Variants in CDH1 observed in about 807,000 individuals in gnomAD.
CDH1 encodes cadherin-1.
In CDH1, 35 loss-of-function variants were observed where a neutral mutation model predicts 84.5. The ratio of observed to expected loss-of-function variants is 0.41; its 90% CI spans 0.32 to 0.55. CDH1 has a LOEUF of 0.55. Among genes scored for constraint, CDH1 ranks in the 20% least tolerant of loss-of-function variants. CDH1 has a pLI of 0.19. For missense variants in CDH1, 994 were observed against 1,126.6 expected (o/e 0.88, Z 1.68); for synonymous variants, 417 against 439.0 (o/e 0.95, Z 0.63).
chr16:68,749,937 G>T (rs1962845495), intron 2 of CDH1, among the ~76,000 whole-genome samples: 1 of 151,756 alleles, frequency 6.6e-6, no homozygotes, highest in Non-Finnish European at 1.5e-5. Context: ...AGCTGTCATT[G>T]TACCTTTTTC....
At chr16:68,779,308 A>G (rs1203061794) in intron 2 of CDH1, among the ~76,000 whole-genome samples, 1 of 152,210 alleles carries the variant, frequency 6.6e-6, no homozygotes, top group South Asian at 2.1e-4. Flanking sequence ...CCCTGCACAG[A>G]GGGGCAAAGA....
Position 68,810,350 on chromosome 16 carries a change from A to C in CDH1, c.832+9A>C. 3 of 1,613,162 alleles carry C rather than the reference A, an allele frequency of 1.9e-6. No homozygotes were observed. The highest frequency in any genetic ancestry group is 2.5e-6 in the Non-Finnish European group (3 of 1,179,150). ...GGAAGGTGCTCTTCCAGGTATATCC[A>C]CTAATGAGAATCTGAATACTCAGAA... On this transcript the variant is annotated intron_variant, in intron 6 of 15. Coordinates refer to ENST00000261769, the MANE Select transcript of CDH1 (RefSeq NM_004360.5).
At position 68,826,988 on chromosome 16, in the gene CDH1, C is replaced by T. The variant is rs185246235; in HGVS notation, c.2165-1186C>T. ...AACCTCCTGTTTAAAGATTATGCTT[C>T]GGCCGGGCGTGGTGGCTCACGCCTG... On this transcript the variant is annotated intron_variant, in intron 13 of 15. Transcript: ENST00000261769. 3.5e-3 allele frequency among the ~76,000 whole-genome samples: 538 copies of T among 152,128 alleles called. 2 individuals carry two copies. The highest frequency in any genetic ancestry group is 5.4e-3 in the Non-Finnish European group (367 of 67,988).
Position 68,804,824 on chromosome 16 carries a change from C to CTTTTTTTTTTT in CDH1, c.387+2944_387+2954dup, listed in dbSNP as rs5817653. On this transcript the variant is annotated intron_variant, in intron 3 of 15. Coordinates refer to ENST00000261769, the MANE Select transcript of CDH1 (RefSeq NM_004360.5). ...AAACAACATATCCAGGTAACAAAAT[C>CTTTTTTTTTTT]TTTTTTTTTTTTTTTTTTTTTTTGG... Among the ~76,000 whole-genome samples, 15 of 69,678 alleles carry CTTTTTTTTTTT rather than the reference C, an allele frequency of 2.2e-4. 1 individual carries two copies. The highest frequency in any genetic ancestry group is 1.0e-3 in the African/African-American group (15 of 14,994). The allele number at this position is 69,678 out of a possible 152,430, so 45.7% of individuals were successfully genotyped here. A position where few individuals can be genotyped will look rare whatever the true frequency, so the allele number is the denominator to read the frequency against.
chr16:68,819,873 T>C (rs951421806), intron 11 of CDH1, among the ~76,000 whole-genome samples: 18 of 152,300 alleles, frequency 1.2e-4, no homozygotes, highest in African/African-American at 4.3e-4. Flanking sequence ...AGATTTCTCT[T>C]TTATTCTTAA....
intron 2 of CDH1, among the ~76,000 whole-genome samples, chr16:68,778,624 A>G (rs1959795106): frequency 6.6e-6 from 1 of 152,128 alleles, no homozygotes; most frequent in South Asian, 2.1e-4. Flanking sequence ...GACACCTGAG[A>G]TAAGCTGAAT....
At chr16:68,832,099 C>A (rs1366095554) in intron 15 of CDH1, among the ~76,000 whole-genome samples, 2 of 151,908 alleles carry the variant, frequency 1.3e-5, no homozygotes, top group Non-Finnish European at 2.9e-5. Context: ...CTCATGGACA[C>A]AAAGAAGAGA....
intron 12 of CDH1, chr16:68,822,579 C>G (rs2152138823): frequency 4.1e-6 from 2 of 492,502 alleles, no homozygotes; most frequent in East Asian, 9.7e-5. Context: ...TCTTGCCAAC[C>G]AATCGTGAGC....
chr16:68,828,704 T>C (rs1455568059), intron 14 of CDH1, among the ~76,000 whole-genome samples: 1 of 152,208 alleles, frequency 6.6e-6, no homozygotes, highest in East Asian at 1.9e-4. Flanking sequence ...TTTGAGTTTT[T>C]AGCTAGACCA....
chr16:68,738,395 C>T lies in CDH1; in HGVS notation c.147C>T (p.Gly49=), dbSNP rs1057521592. 5 of 1,549,656 alleles carry T rather than the reference C, an allele frequency of 3.2e-6. No homozygotes were observed. The African/African-American group carries it at 6.8e-5, about 21-fold the overall frequency. ...FTVPRRHLER[G]RVLGRVNFED... ...TGCCCCGGCGCCACCTGGAGAGAGGCCGCGTCCTGGGCAGAGGTGAGGGCG... is the reference window on the plus strand; with the variant it reads ...TGCCCCGGCGCCACCTGGAGAGAGGTCGCGTCCTGGGCAGAGGTGAGGGCG... Residue 49 remains glycine (G), a synonymous_variant, in exon 2 of 16, where the codon GGC becomes GGT. Coordinates refer to ENST00000261769, the MANE Select transcript of CDH1 (RefSeq NM_004360.5).
At chr16:68,827,987 G>T (rs1961364711) in intron 13 of CDH1, among the ~76,000 whole-genome samples, 187 bp from the exon 14 acceptor site, 1 of 152,158 alleles carries the variant, frequency 6.6e-6, no homozygotes, top group African/African-American at 2.4e-5. Flanking sequence ...CTACTATGTT[G>T]TACTGTACAT....
intron 2 of CDH1, among the ~76,000 whole-genome samples, chr16:68,768,062 C>T (rs752232537): frequency 6.6e-6 from 1 of 151,984 alleles, no homozygotes; most frequent in Non-Finnish European, 1.5e-5. Context: ...TTCAAGTGCC[C>T]CAGACTCCCA....
rs34344473 is a variant in CDH1, at chr16:68,801,416, G to A, written c.164-254G>A. 3.3e-3 allele frequency among the ~76,000 whole-genome samples: 507 copies of A among 152,178 alleles called. 3 individuals are homozygous for A. Among genetic ancestry groups the A allele is most frequent in the African/African-American group, 0.012 (478 of 41,534 alleles). ...CAGGCATGAGACACTGTGCCCAGTC[G>A]AGAAGTTACTTTCTAGACAAGATAA... On this transcript the variant is annotated intron_variant, in intron 2 of 15. Coordinates refer to ENST00000261769, the MANE Select transcript of CDH1 (RefSeq NM_004360.5).
chr16:68,745,550 A>AAATG (rs71253605), intron 2 of CDH1, among the ~76,000 whole-genome samples: 4 of 50,498 alleles, frequency 7.9e-5, no homozygotes. Context: ...AAAAAAAAAA[A>AAATG]TATATATATA....
intron 2 of CDH1, among the ~76,000 whole-genome samples, chr16:68,796,608 A>T (rs17715799): frequency 0.27 from 40,726 of 152,044 alleles, 5,617 homozygotes; most frequent in Middle Eastern, 0.32. Flanking sequence ...TTTCATTTGT[A>T]TTTGAACATC....
In CDH1 at chr16:68,807,983, G is replaced by A. The variant is rs1025990394; in HGVS notation, c.388-441G>A. On this transcript the variant is annotated intron_variant, in intron 3 of 15. Transcript: ENST00000261769. ...GCTACTCAGGAGGCTGAGATGGGAG[G>A]GATGGCTTGAGCCTGGGAGGCAGAG... Among the ~76,000 whole-genome samples, 31 of 152,162 alleles carry A rather than the reference G, an allele frequency of 2.0e-4. 1 individual carries two copies. The highest frequency in any genetic ancestry group is 5.8e-4 in the African/African-American group (24 of 41,430).
intron 3 of CDH1, among the ~76,000 whole-genome samples, chr16:68,807,936 G>A (rs758543697): frequency 1.3e-5 from 2 of 152,280 alleles, no homozygotes; most frequent in South Asian, 2.1e-4. Flanking sequence ...GTCAGCCATG[G>A]TGGTGCACAC....
intron 2 of CDH1, among the ~76,000 whole-genome samples, chr16:68,798,974 C>T (rs1230471842): frequency 6.6e-6 from 1 of 152,218 alleles, no homozygotes; most frequent in Non-Finnish European, 1.5e-5. Context: ...ATAGTCATCT[C>T]TTCTACTTTC....
intron 2 of CDH1, among the ~76,000 whole-genome samples, chr16:68,776,864 G>A (rs1207747795): frequency 6.6e-6 from 1 of 152,170 alleles, no homozygotes; most frequent in Non-Finnish European, 1.5e-5. Flanking sequence ...CGACAGTCCT[G>A]TTATTTAGAG....
Sources: gnomAD v4.1 joint callset for allele counts (sites outside exome capture counted in the v4.1 genomes callset) on GRCh38, gnomAD v4.1.1 for gene constraint, MANE v1.5 for transcripts, NCBI Gene and HGNC (gene_info 2026-07-23, HGNC 2026-07-21) for gene names.